FAR2: variants seen among roughly 807,000 people sequenced by gnomAD.
The protein encoded by FAR2 is fatty acyl-CoA reductase 2, also known as epididymis secretory protein Li 81.
In FAR2, 19 loss-of-function variants were observed where a neutral mutation model predicts 56.0. The ratio of observed to expected loss-of-function variants is 0.34; its 90% CI spans 0.24 to 0.50. The LOEUF (loss-of-function observed/expected upper bound fraction) is 0.50, where lower values mean the gene tolerates loss of function less well. Ranked by LOEUF, FAR2 falls within the 20% of genes least tolerant of loss-of-function variation. The pLI is 0.98. For missense variants in FAR2, 508 were observed against 642.2 expected, an observed-to-expected ratio of 0.79 and a Z score of 2.26; for synonymous variants, 219 against 218.8, an observed-to-expected ratio of 1.00 and a Z score of -0.01.
chr12:29,155,364 T>C (rs187965224), intron 1 of FAR2, among the ~76,000 whole-genome samples: 6 of 152,320 alleles, frequency 3.9e-5, no homozygotes, highest in Non-Finnish European at 5.9e-5. Context: ...TGGATCCCCA[T>C]GCATTTGCAT....
At chr12:29,332,473 T>C in intron 10 of FAR2, 127 bp from the exon 11 acceptor site, 1 of 1,310,696 alleles carries the variant, frequency 7.6e-7, no homozygotes, top group South Asian at 1.4e-5. Flanking sequence ...AATCTCTCCT[T>C]TGGAGAGGGT....
intron 9 of FAR2, among the ~76,000 whole-genome samples, chr12:29,317,256 C>T (rs1468630339): frequency 6.6e-6 from 1 of 152,152 alleles, no homozygotes; most frequent in Non-Finnish European, 1.5e-5. Context: ...TGATGGGTCA[C>T]AGTCAAAAGA....
chr12:29,163,587 C>A (rs772555806), intron 1 of FAR2, among the ~76,000 whole-genome samples: 3 of 152,206 alleles, frequency 2.0e-5, no homozygotes, highest in Non-Finnish European at 4.4e-5. Flanking sequence ...TCTGCAGCTT[C>A]TGCTGAGATA....
chr12:29,332,547 G>C, intron 10 of FAR2, 53 bp from the exon 11 acceptor site: 1 of 1,606,918 alleles, frequency 6.2e-7, no homozygotes, highest in Non-Finnish European at 8.5e-7. Flanking sequence ...AGTGGACAAA[G>C]TGACTGTCCA....
At chr12:29,303,522 T>C (rs181204288) in intron 4 of FAR2, among the ~76,000 whole-genome samples, 8 of 152,232 alleles carry the variant, frequency 5.3e-5, no homozygotes, top group Non-Finnish European at 8.8e-5. Flanking sequence ...TAAGCTGCCA[T>C]GTGAAAAAGG....
chr12:29,162,389 A>G (rs533304895), intron 1 of FAR2, among the ~76,000 whole-genome samples: 80 of 152,354 alleles, frequency 5.3e-4, no homozygotes, highest in African/African-American at 1.9e-3. Context: ...CAGAATGAAC[A>G]CATTTAAGGA....
chr12:29,150,769 CTT>C (rs1354551323), intron 1 of FAR2, among the ~76,000 whole-genome samples: 3 of 152,310 alleles, frequency 2.0e-5, no homozygotes, highest in Admixed American at 1.3e-4. Context: ...TTACAGTACT[CTT>C]TTCCTAATTC....
chr12:29,163,741 G>A (rs1236055791), intron 1 of FAR2, among the ~76,000 whole-genome samples: 1 of 152,228 alleles, frequency 6.6e-6, no homozygotes, highest in Non-Finnish European at 1.5e-5. Context: ...GGTGTGTGGA[G>A]ACTGGGAGAC....
At chr12:29,239,151 A>G (rs1266774378) in intron 1 of FAR2, among the ~76,000 whole-genome samples, 1 of 152,256 alleles carries the variant, frequency 6.6e-6, no homozygotes, top group South Asian at 2.1e-4. Context: ...GCTTTGCTGT[A>G]TTGTTGTTAG....
At chr12:29,212,671 G>A (rs893566964) in intron 1 of FAR2, among the ~76,000 whole-genome samples, 2 of 152,128 alleles carry the variant, frequency 1.3e-5, no homozygotes, top group Admixed American at 6.5e-5. Flanking sequence ...GCAAACTTGA[G>A]ATATCCAAAT....
intron 10 of FAR2, chr12:29,331,564 G>A (rs1949733106): frequency 6.6e-6 from 1 of 152,006 alleles, no homozygotes; most frequent in African/African-American, 2.4e-5. Context: ...ACAAGTTTTA[G>A]TGCCCTAAGT....
At position 29,307,791 on chromosome 12, in the gene FAR2, A is replaced by G. The variant is rs1376731004; in HGVS notation, c.679A>G (p.Ile227Val). ...GAGCAGGAACCTGAACATTGCCATC[A>G]TAAGGCCCTCCATTGTGGGAGCAAC... ...QESRNLNIAI[I>V]RPSIVGATWQ... Residue 227 changes from isoleucine (I) to valine (V), a missense_variant, in exon 5 of 12, where the codon ATA becomes GTA. Ile to Val is a conservative substitution (Grantham distance 29, BLOSUM62 3). Transcript: ENST00000536681. The G allele has an allele frequency of 1.9e-6, 3 of 1,612,758 alleles. No individual in the cohort carries two copies. In the South Asian group the frequency reaches 3.3e-5, roughly 18 times the overall value.
chr12:29,205,132 C>T (rs1011490525), intron 1 of FAR2, among the ~76,000 whole-genome samples: 3 of 152,166 alleles, frequency 2.0e-5, no homozygotes, highest in Admixed American at 2.0e-4. Flanking sequence ...TGAGGTTCTC[C>T]ATTGACTTAT....
intron 1 of FAR2, among the ~76,000 whole-genome samples, chr12:29,187,449 C>A (rs1335594194): frequency 6.6e-6 from 1 of 151,950 alleles, no homozygotes; most frequent in Non-Finnish European, 1.5e-5. Context: ...ATTTCAGATA[C>A]AAACCTTTTA....
intron 1 of FAR2, among the ~76,000 whole-genome samples, chr12:29,177,265 G>A (rs1390762495): frequency 6.6e-6 from 1 of 152,198 alleles, no homozygotes; most frequent in Non-Finnish European, 1.5e-5. Flanking sequence ...TATTCCAGCT[G>A]CAATGGATCC....
intron 1 of FAR2, among the ~76,000 whole-genome samples, chr12:29,248,306 G>A (rs1021519323): frequency 1.1e-4 from 17 of 151,918 alleles, no homozygotes; most frequent in African/African-American, 2.4e-4. Context: ...CTTAAGCATC[G>A]GCCAGCTTGA....
intron 6 of FAR2, 38 bp from the exon 7 acceptor site, chr12:29,310,990 G>A: frequency 1.4e-6 from 2 of 1,471,158 alleles, no homozygotes; most frequent in Non-Finnish European, 1.9e-6. Flanking sequence ...TATTATTTAA[G>A]ACCTGGTTTA....
chr12:29,293,279 T>G (rs761758871), intron 2 of FAR2, 21 bp from the exon 3 acceptor site: 2 of 1,508,050 alleles, frequency 1.3e-6, no homozygotes, highest in Non-Finnish European at 1.8e-6. Flanking sequence ...TTTTGTATAT[T>G]GATCTATATT....
chr12:29,295,536 T>G (rs1311344213), intron 3 of FAR2, among the ~76,000 whole-genome samples: 3 of 152,332 alleles, frequency 2.0e-5, no homozygotes, highest in East Asian at 1.9e-4. Context: ...ACCTTGTATA[T>G]GTAGAATACT....
Sources: gnomAD v4.1 joint callset for allele counts (sites outside exome capture counted in the v4.1 genomes callset) on GRCh38, gnomAD v4.1.1 for gene constraint, MANE v1.5 for transcripts, NCBI Gene and HGNC (gene_info 2026-07-23, HGNC 2026-07-21) for gene names.